Variants in CEP112 observed in about 807,000 individuals in gnomAD.
CEP112 encodes centrosomal protein 112, also known as centrosomal protein of 112 kDa.
In CEP112, 127 loss-of-function variants were observed where a neutral mutation model predicts 153.0. The ratio of observed to expected loss-of-function variants is 0.83; its 90% CI spans 0.72 to 0.96. The LOEUF is 0.96. CEP112 is among the 40% of genes least tolerant of loss of function. The pLI, the probability that CEP112 is intolerant of heterozygous loss-of-function variation, is 0.00. For synonymous variants in CEP112, 358 were observed against 374.4 expected (o/e 0.96, Z 0.51); for missense variants, 1,089 against 1,101.2 (o/e 0.99, Z 0.16).
chr17:65,930,574 G>C (rs2061084498), intron 18 of CEP112, among the ~76,000 whole-genome samples: 1 of 152,202 alleles, frequency 6.6e-6, no homozygotes, highest in Non-Finnish European at 1.5e-5. Flanking sequence ...AGAGTTCTAA[G>C]ATTACTGATT....
At chr17:65,730,704 A>T (rs2050453246) in intron 23 of CEP112, among the ~76,000 whole-genome samples, 2 of 151,940 alleles carry the variant, frequency 1.3e-5, no homozygotes, top group African/African-American at 4.8e-5. Flanking sequence ...TGGGAAATTG[A>T]TTCCTGTAAG....
At chr17:65,979,109 C>CAGATGCTCA (rs1357444370) in intron 17 of CEP112, among the ~76,000 whole-genome samples, 1 of 152,178 alleles carries the variant, frequency 6.6e-6, no homozygotes, top group Non-Finnish European at 1.5e-5. Flanking sequence ...AAAATGGTTG[C>CAGATGCTCA]AGATGCTCAA....
At chr17:65,967,456 T>A (rs1269488004) in intron 17 of CEP112, among the ~76,000 whole-genome samples, 1 of 152,148 alleles carries the variant, frequency 6.6e-6, no homozygotes, top group Non-Finnish European at 1.5e-5. Flanking sequence ...ATCTGCTCAT[T>A]CAAATACTAT....
chr17:65,837,577 G>A (rs1040831161), intron 21 of CEP112, among the ~76,000 whole-genome samples: 26 of 152,242 alleles, frequency 1.7e-4, no homozygotes, highest in African/African-American at 3.6e-4. Context: ...CTGCCGCCCC[G>A]TCTGGGAGGT....
intron 17 of CEP112, among the ~76,000 whole-genome samples, chr17:65,989,586 AACACCAGAACC>A (rs2063524444): frequency 1.3e-5 from 2 of 152,328 alleles, no homozygotes; most frequent in South Asian, 4.1e-4. Context: ...AGAATTCACC[AACACCAGAACC>A]ATCTTACAAC....
At chr17:65,723,817 A>C (rs181918688) in intron 23 of CEP112, among the ~76,000 whole-genome samples, 1 of 152,342 alleles carries the variant, frequency 6.6e-6, no homozygotes, top group African/African-American at 2.4e-5. Flanking sequence ...TACATGTAAA[A>C]TGTTACTTCT....
intron 21 of CEP112, among the ~76,000 whole-genome samples, chr17:65,769,306 T>C (rs1236399659): frequency 1.3e-5 from 2 of 151,966 alleles, no homozygotes; most frequent in African/African-American, 4.8e-5. Flanking sequence ...TGCTCTTGGA[T>C]TGGCAGAATT....
chr17:65,986,703 TTATAA>T (rs74983121), intron 17 of CEP112, among the ~76,000 whole-genome samples: 88,687 of 151,670 alleles, frequency 0.58, 27,302 homozygotes, highest in African/African-American at 0.72. Context: ...AATCAAAGAC[TTATAA>T]TATAAGTTAT....
rs570183551 is a variant in CEP112, at chr17:65,810,409, T to C, written c.2394+41395A>G. Among the ~76,000 whole-genome samples, 7 of 152,138 alleles carry C rather than the reference T, an allele frequency of 4.6e-5. No homozygotes were observed. The East Asian group carries it at 7.7e-4, about 17-fold the overall frequency. The stretch of plus-strand genomic sequence containing the variant: ...CATTTCTGGGCCAAAGTACAAAGAA[T>C]TGGGTGTGAGCTCTTCATATCCTGT... On this transcript the variant is annotated intron_variant, in intron 21 of 26. Coordinates refer to ENST00000535342, the MANE Select transcript of CEP112 (RefSeq NM_001199165.4).
intron 4 of CEP112, among the ~76,000 whole-genome samples, chr17:66,170,023 T>C (rs1024316240): frequency 6.6e-6 from 1 of 152,176 alleles, no homozygotes; most frequent in Non-Finnish European, 1.5e-5. Flanking sequence ...CAGCATTCCG[T>C]TCCTTATGGC....
chr17:65,717,533 C>T (rs1378734323), intron 23 of CEP112, among the ~76,000 whole-genome samples: 1 of 152,126 alleles, frequency 6.6e-6, no homozygotes, highest in Non-Finnish European at 1.5e-5. Context: ...CTTTTGAATC[C>T]TAGCTCTTCC....
chr17:65,795,429 C>T (rs9909246), intron 21 of CEP112, among the ~76,000 whole-genome samples: 2 of 151,960 alleles, frequency 1.3e-5, no homozygotes, highest in Non-Finnish European at 2.9e-5. Flanking sequence ...TGTCAAAGAA[C>T]AGTAAGCTAT....
At chr17:66,058,720 T>C (rs2066805862) in intron 11 of CEP112, among the ~76,000 whole-genome samples, 1 of 151,924 alleles carries the variant, frequency 6.6e-6, no homozygotes, top group African/African-American at 2.4e-5. Context: ...GGTGTGGTAA[T>C]GCACACCTGT....
chr17:65,831,580 T>G (rs1053866298), intron 21 of CEP112, among the ~76,000 whole-genome samples: 3 of 150,670 alleles, frequency 2.0e-5, no homozygotes, highest in African/African-American at 7.3e-5. Flanking sequence ...AAGAACAAAT[T>G]TCAGAAAATC....
intron 21 of CEP112, among the ~76,000 whole-genome samples, chr17:65,812,463 T>A (rs1480558795): frequency 6.6e-6 from 1 of 152,166 alleles, no homozygotes; most frequent in East Asian, 1.9e-4. Context: ...ACCTCATTGC[T>A]CCAAAACGAC....
chr17:66,183,640 T>C (rs113789777), intron 1 of CEP112, among the ~76,000 whole-genome samples: 196 of 152,088 alleles, frequency 1.3e-3, no homozygotes, highest in African/African-American at 4.6e-3. Flanking sequence ...GACAGATCAG[T>C]GGAAAAGATT....
At chr17:66,014,299 G>A (rs1369533549) in intron 16 of CEP112, among the ~76,000 whole-genome samples, 1 of 152,152 alleles carries the variant, frequency 6.6e-6, no homozygotes, top group Admixed American at 6.5e-5. Context: ...GCTATGATGA[G>A]GGCCCTAGGG....
chr17:65,829,384 C>T (rs1333137889), intron 21 of CEP112, among the ~76,000 whole-genome samples: 1 of 152,070 alleles, frequency 6.6e-6, no homozygotes, highest in Admixed American at 6.6e-5. Flanking sequence ...AGACCTGACT[C>T]TCAACACAGA....
intron 17 of CEP112, among the ~76,000 whole-genome samples, chr17:65,987,469 C>T (rs1334259006): frequency 6.6e-6 from 1 of 151,900 alleles, no homozygotes; most frequent in African/African-American, 2.4e-5. Context: ...AAAAGGAAAA[C>T]AATATTAGAA....
Sources: allele counts gnomAD v4.1 joint callset (sites outside exome capture counted in the v4.1 genomes callset), GRCh38; gene constraint gnomAD v4.1.1; transcripts MANE v1.5; gene names NCBI Gene and HGNC (gene_info 2026-07-23, HGNC 2026-07-21).